Variants in ASTN2 observed in about 807,000 individuals in gnomAD.
ASTN2 encodes astrotactin 2.
ASTN2 carries 54 observed loss-of-function variants against 139.8 expected under a neutral mutation model. The ratio of observed to expected loss-of-function variants is 0.39; its 90% CI spans 0.31 to 0.48. The LOEUF is 0.48. Among genes scored for constraint, ASTN2 ranks in the 20% least tolerant of loss-of-function variants. The pLI is 0.95. For synonymous variants in ASTN2, 756 were observed against 719.5 expected (o/e 1.05, Z -0.81); for missense variants, 1,565 against 1,725.1 (o/e 0.91, Z 1.64).
chr9:116,685,063 G>T (rs1192869541), intron 16 of ASTN2, among the ~76,000 whole-genome samples: 1 of 152,184 alleles, frequency 6.6e-6, no homozygotes, highest in Non-Finnish European at 1.5e-5. Flanking sequence ...AGAAATTGCG[G>T]TTTAGGAGTC....
At chr9:117,019,299 TG>T (rs1392367808) in intron 6 of ASTN2, among the ~76,000 whole-genome samples, 1 of 152,088 alleles carries the variant, frequency 6.6e-6, no homozygotes, top group Non-Finnish European at 1.5e-5. Context: ...TTCTGGAAAT[TG>T]GACAATAATT....
chr9:116,659,847 C>G (rs780249266), intron 16 of ASTN2, among the ~76,000 whole-genome samples: 13 of 152,150 alleles, frequency 8.5e-5, no homozygotes, highest in Non-Finnish European at 1.6e-4. Context: ...AAATCAGTAC[C>G]TTTCTAGGCC....
intron 1 of ASTN2, among the ~76,000 whole-genome samples, chr9:117,402,396 G>A (rs1830857835): frequency 6.6e-6 from 1 of 152,164 alleles, no homozygotes; most frequent in African/African-American, 2.4e-5. Flanking sequence ...AAACCATCAG[G>A]GTTAGCTGAC....
chr9:116,852,222 G>A (rs2132323796), intron 11 of ASTN2, among the ~76,000 whole-genome samples: 1 of 152,302 alleles, frequency 6.6e-6, no homozygotes, highest in South Asian at 2.1e-4. Flanking sequence ...GGAGGCCATG[G>A]CCCTGGGTTT....
intron 16 of ASTN2, among the ~76,000 whole-genome samples, chr9:116,661,163 A>C (rs921004868): frequency 6.6e-6 from 1 of 152,116 alleles, no homozygotes; most frequent in Non-Finnish European, 1.5e-5. Flanking sequence ...ATTGAAGGGT[A>C]ACATTTACTT....
chr9:117,394,824 G>A (rs1402022292), intron 1 of ASTN2, among the ~76,000 whole-genome samples: 1 of 152,148 alleles, frequency 6.6e-6, no homozygotes, highest in Non-Finnish European at 1.5e-5. Context: ...CAGCTGCTAG[G>A]GAATTTACTC....
chr9:117,297,288 G>A (rs148539426), intron 1 of ASTN2, among the ~76,000 whole-genome samples: 1,583 of 152,260 alleles, frequency 0.01, 32 homozygotes, highest in African/African-American at 0.036. Flanking sequence ...CTCACCGCCC[G>A]GGCAGAAAGA....
In ASTN2 at chr9:117,085,592, G is replaced by A. The variant is rs556805582; in HGVS notation, c.1276+10452C>T. Among the ~76,000 whole-genome samples the A allele has an allele frequency of 4.6e-5, 7 of 152,230 alleles. No homozygotes were observed. The East Asian group carries it at 1.2e-3, about 25-fold the overall frequency. On this transcript the variant is annotated intron_variant, in intron 5 of 22. Coordinates refer to ENST00000313400, the MANE Select transcript of ASTN2 (RefSeq NM_001365068.1). ...CCCTTTGTTGGTGGTGCCCTGGGACGGCTGGTCCTACGGATGCTGCCTTTT... is the reference window on the plus strand; with the variant it reads ...CCCTTTGTTGGTGGTGCCCTGGGACAGCTGGTCCTACGGATGCTGCCTTTT...
At chr9:117,041,116 T>C (rs1304990819) in intron 5 of ASTN2, among the ~76,000 whole-genome samples, 1 of 152,152 alleles carries the variant, frequency 6.6e-6, no homozygotes, top group Non-Finnish European at 1.5e-5. Flanking sequence ...AAAAGTAGAT[T>C]GGATCTGCAC....
intron 5 of ASTN2, among the ~76,000 whole-genome samples, chr9:117,060,585 C>CAGGCAGGCAGGCAGGAAGGAAGGA (rs373697206): frequency 8.3e-5 from 11 of 132,448 alleles, no homozygotes; most frequent in East Asian, 4.6e-4. Flanking sequence ...GGAAAGAAGG[C>CAGGCAGGCAGGCAGGAAGGAAGGA]AGGAAGGAAG....
chr9:116,547,168 G>T (rs1852133083), intron 19 of ASTN2: 2 of 152,186 alleles, frequency 1.3e-5, no homozygotes. Context: ...GGTCACAAGG[G>T]TGGACAGATG....
At chr9:117,242,481 C>T (rs894230157) in intron 2 of ASTN2, among the ~76,000 whole-genome samples, 1 of 152,148 alleles carries the variant, frequency 6.6e-6, no homozygotes, top group Non-Finnish European at 1.5e-5. Flanking sequence ...TGGCTGGAAG[C>T]ATCCTAATGG....
chr9:116,919,317 T>C (rs1834533132), intron 10 of ASTN2, among the ~76,000 whole-genome samples: 1 of 152,240 alleles, frequency 6.6e-6, no homozygotes, highest in Non-Finnish European at 1.5e-5. Context: ...CTAATTGTTG[T>C]GCGACCTTGG....
chr9:116,464,719 C>T (rs1848600494), intron 20 of ASTN2, among the ~76,000 whole-genome samples: 1 of 152,132 alleles, frequency 6.6e-6, no homozygotes, highest in Non-Finnish European at 1.5e-5. Context: ...AGCCTTTGTA[C>T]TGGGCAATTT....
intron 19 of ASTN2, among the ~76,000 whole-genome samples, chr9:116,579,863 C>G (rs985296903): frequency 3.3e-5 from 5 of 152,094 alleles, no homozygotes; most frequent in Admixed American, 2.0e-4. Context: ...GCTCTGTCAC[C>G]CAGGCTGGAG....
At chr9:116,661,881 G>A (rs1012451289) in intron 16 of ASTN2, among the ~76,000 whole-genome samples, 1 of 151,908 alleles carries the variant, frequency 6.6e-6, no homozygotes, top group Non-Finnish European at 1.5e-5. Context: ...GGGGAGGGGA[G>A]AGGGATAAAA....
At chr9:116,480,049 G>A (rs938003298) in intron 20 of ASTN2, among the ~76,000 whole-genome samples, 2 of 151,064 alleles carry the variant, frequency 1.3e-5, no homozygotes, top group African/African-American at 4.9e-5. Flanking sequence ...GATTAAATAA[G>A]GTTTATAAGA....
chr9:116,941,242 G>A (rs959947612), intron 10 of ASTN2, among the ~76,000 whole-genome samples: 5 of 151,994 alleles, frequency 3.3e-5, no homozygotes, highest in African/African-American at 1.2e-4. Flanking sequence ...GACTCTGCTA[G>A]TGTGCTTAGA....
At chr9:117,186,151 A>G (rs1055802466) in intron 3 of ASTN2, among the ~76,000 whole-genome samples, 5 of 152,214 alleles carry the variant, frequency 3.3e-5, no homozygotes, top group Non-Finnish European at 5.9e-5. Context: ...AGAAGTAATG[A>G]CCATATCAAT....
Sources: gnomAD v4.1 joint callset for allele counts (sites outside exome capture counted in the v4.1 genomes callset) on GRCh38, gnomAD v4.1.1 for gene constraint, MANE v1.5 for transcripts, NCBI Gene and HGNC (gene_info 2026-07-23, HGNC 2026-07-21) for gene names.